The following NOX5 variants were observed in gnomAD, a reference collection of about 807,000 sequenced individuals.
NOX5 encodes the protein NADPH oxidase 5.
Under a neutral mutation model 85.7 loss-of-function variants are expected in NOX5, and 76 were observed. The ratio of observed to expected loss-of-function variants is 0.89; its 90% CI spans 0.74 to 1.07. The LOEUF is 1.07. NOX5 is among the 50% of genes least tolerant of loss of function. NOX5 has a pLI of 0.00. For missense variants in NOX5, 973 were observed against 999.5 expected (o/e 0.97, Z 0.36); for synonymous variants, 405 against 401.4 (o/e 1.01, Z -0.11).
chr15:69,015,798 G>A (rs572390409), intron 1 of NOX5, among the ~76,000 whole-genome samples: 16 of 151,982 alleles, frequency 1.1e-4, no homozygotes, highest in Admixed American at 5.2e-4. Flanking sequence ...AATGTCTTTG[G>A]GGGGGCAGTG....
intron 1 of NOX5, among the ~76,000 whole-genome samples, chr15:69,020,628 A>C (rs1236013532): frequency 6.7e-6 from 1 of 149,604 alleles, no homozygotes; most frequent in Non-Finnish European, 1.5e-5. Context: ...ATAAATATGA[A>C]TATATATATA....
Position 69,033,296 on chromosome 15 carries a change from C to A in NOX5, c.855+19C>A, listed in dbSNP as rs755872204. 1 of 1,588,370 alleles carries A rather than the reference C, an allele frequency of 6.3e-7. No homozygotes were observed. The highest frequency in any genetic ancestry group is 2.3e-5 in the East Asian group (1 of 44,224). ...CATCGCGGTAGGCTCTGCCAGCACA[C>A]GGTGCTCTGAAAATGTTAATTAGGA... On this transcript the variant is annotated intron_variant, in intron 5 of 15. Coordinates refer to ENST00000388866, the MANE Select transcript of NOX5 (RefSeq NM_024505.4).
intron 1 of NOX5, among the ~76,000 whole-genome samples, chr15:69,016,395 G>A (rs1162666012): frequency 2.0e-5 from 3 of 152,240 alleles, no homozygotes; most frequent in Non-Finnish European, 4.4e-5. Flanking sequence ...GCTGCCTGCA[G>A]CTCCAGTGAC....
intron 1 of NOX5, among the ~76,000 whole-genome samples, chr15:69,025,168 ATG>A (rs2050341307): frequency 2.0e-5 from 3 of 152,262 alleles, no homozygotes; most frequent in African/African-American, 7.2e-5. Flanking sequence ...GCCTTGTTTT[ATG>A]TGTGTTTCTA....
chr15:69,041,681 C>G (rs1338535306), intron 9 of NOX5, among the ~76,000 whole-genome samples: 1 of 152,218 alleles, frequency 6.6e-6, no homozygotes, highest in African/African-American at 2.4e-5. Flanking sequence ...TCCTAAGTCA[C>G]AAATTTTTTT....
rs560729697 is a variant in NOX5, at chr15:69,048,653, A to G, written c.1900-306A>G. 1.5e-4 allele frequency among the ~76,000 whole-genome samples: 23 copies of G among 152,324 alleles called. No individual in the cohort carries two copies. In the South Asian group the frequency reaches 4.6e-3, roughly 30 times the overall value. On this transcript the variant is annotated intron_variant, in intron 13 of 15. Transcript: ENST00000388866. ...TAGGCCACTTAGAAGAGTTTCTTAA[A>G]AAGTAATTTATGTTTTTCTGGCTAT...
At chr15:69,020,345 A>G (rs1219895695) in intron 1 of NOX5, among the ~76,000 whole-genome samples, 1 of 152,144 alleles carries the variant, frequency 6.6e-6, no homozygotes, top group Admixed American at 6.5e-5. Flanking sequence ...TGGGATCCCT[A>G]TCTTGTGCCC....
At chr15:69,048,386 A>T (rs558806940) in intron 13 of NOX5, among the ~76,000 whole-genome samples, 1 of 152,208 alleles carries the variant, frequency 6.6e-6, no homozygotes, top group South Asian at 2.1e-4. Context: ...TACAAAAATT[A>T]GTTGGGTGTG....
intron 4 of NOX5, 140 bp downstream of exon 4, chr15:69,031,952 T>G (rs2050440915): frequency 2.4e-6 from 2 of 835,374 alleles, no homozygotes; most frequent in Non-Finnish European, 3.6e-6. Flanking sequence ...CACTCTTGAG[T>G]GTACTGCAGG....
chr15:69,023,106 G>A (rs983945020), intron 1 of NOX5: 3 of 402,830 alleles, frequency 7.4e-6, no homozygotes, highest in South Asian at 2.2e-5. Context: ...CTTCTTCCTG[G>A]GTGTCATTAA....
intron 10 of NOX5, among the ~76,000 whole-genome samples, chr15:69,045,462 C>CTCCT (rs2050649609): frequency 1.3e-5 from 2 of 151,608 alleles, no homozygotes; most frequent in South Asian, 4.2e-4. Flanking sequence ...CACACTCTTA[C>CTCCT]TCCTTCCTTC....
intron 5 of NOX5, among the ~76,000 whole-genome samples, chr15:69,034,983 C>T (rs560564947): frequency 2.0e-5 from 3 of 152,140 alleles, no homozygotes; most frequent in African/African-American, 7.2e-5. Context: ...CCAGGCTGGT[C>T]TCAAACTCCT....
chr15:69,016,240 G>A (rs2050231071), intron 1 of NOX5, among the ~76,000 whole-genome samples: 1 of 152,180 alleles, frequency 6.6e-6, no homozygotes, highest in African/African-American at 2.4e-5. Flanking sequence ...TCAGTGGGAG[G>A]CTGGGTGGGG....
chr15:69,053,329 A>C (rs558779960), intron 14 of NOX5, among the ~76,000 whole-genome samples: 1 of 152,210 alleles, frequency 6.6e-6, no homozygotes, highest in Non-Finnish European at 1.5e-5. Flanking sequence ...ATTAGATGAG[A>C]TGTCATCTGC....
chr15:69,034,077 A>G (rs2140261459), intron 5 of NOX5, among the ~76,000 whole-genome samples: 1 of 152,332 alleles, frequency 6.6e-6, no homozygotes, highest in African/African-American at 2.4e-5. Flanking sequence ...ATCATTAGCT[A>G]ATAGACTTAT....
intron 14 of NOX5, 117 bp downstream of exon 14, chr15:69,049,175 T>G: frequency 1.8e-6 from 1 of 544,754 alleles, no homozygotes; most frequent in Non-Finnish European, 3.0e-6. Context: ...ATTTAACCAT[T>G]AAAGTGAACC....
chr15:69,025,659 C>A (rs1299263560), intron 1 of NOX5, among the ~76,000 whole-genome samples: 1 of 152,184 alleles, frequency 6.6e-6, no homozygotes. Context: ...GTAGCTAAGT[C>A]ATTTAGGGTT....
intron 9 of NOX5, 107 bp downstream of exon 9, chr15:69,039,096 A>G: frequency 7.7e-7 from 1 of 1,292,252 alleles, no homozygotes; most frequent in Non-Finnish European, 1.1e-6. Flanking sequence ...GGCCAGAAAC[A>G]CAAAGTCAGC....
intron 14 of NOX5, among the ~76,000 whole-genome samples, chr15:69,051,526 T>G (rs2050749558): frequency 6.6e-6 from 1 of 152,060 alleles, no homozygotes; most frequent in Non-Finnish European, 1.5e-5. Flanking sequence ...AGTACAAGTG[T>G]GCGCCACCAT....
Sources: gnomAD v4.1 joint callset for allele counts (sites outside exome capture counted in the v4.1 genomes callset) on GRCh38, gnomAD v4.1.1 for gene constraint, MANE v1.5 for transcripts, NCBI Gene and HGNC (gene_info 2026-07-23, HGNC 2026-07-21) for gene names.